Variants in GLIS3 observed in about 807,000 individuals in gnomAD.
GLIS3 encodes GLIS family zinc finger 3.
Under a neutral mutation model 78.6 loss-of-function variants are expected in GLIS3, and 53 were observed. That is an observed-to-expected ratio of 0.67 (90% CI 0.54 to 0.85). GLIS3 has a LOEUF of 0.85. Among genes scored for constraint, GLIS3 ranks in the 40% least tolerant of loss-of-function variants. GLIS3 has a pLI of 0.00. For missense variants in GLIS3, 1,703 were observed against 1,231.1 expected, an observed-to-expected ratio of 1.38 and a Z score of -5.74; for synonymous variants, 684 against 509.9, an observed-to-expected ratio of 1.34 and a Z score of -4.60.
At chr9:4,235,888 C>A (rs190899383) in intron 2 of GLIS3, among the ~76,000 whole-genome samples, 39 of 152,190 alleles carry the variant, frequency 2.6e-4, no homozygotes, top group African/African-American at 9.2e-4. Context: ...AGCATCCCGG[C>A]ATACTGATGA....
At chr9:4,416,643 ATATGAAG>A in the GLIS3 span, among the ~76,000 whole-genome samples, 50 of 152,098 alleles carry the variant, frequency 3.3e-4, no homozygotes, top group African/African-American at 1.1e-3. Flanking sequence ...ACTTCCTTAA[ATATGAAG>A]TATTTGGCTG....
chr9:4,392,649 A>G, the GLIS3 span, among the ~76,000 whole-genome samples: 118,901 of 152,092 alleles, frequency 0.78, 47,182 homozygotes, highest in Non-Finnish European at 0.85. Flanking sequence ...AAATTACCTC[A>G]TAAATGCAGC....
At chr9:3,912,935 T>C (rs113448920) in intron 6 of GLIS3, among the ~76,000 whole-genome samples, 2 of 152,172 alleles carry the variant, frequency 1.3e-5, no homozygotes, top group African/African-American at 2.4e-5. Flanking sequence ...CACTGGTTCA[T>C]TGCACTAATG....
chr9:4,318,963 G>C (rs995242219), intron 2 of GLIS3, among the ~76,000 whole-genome samples: 7 of 152,092 alleles, frequency 4.6e-5, no homozygotes, highest in Non-Finnish European at 8.8e-5. Context: ...TGGTATTCCT[G>C]CCAAAAATGC....
intron 2 of GLIS3, among the ~76,000 whole-genome samples, chr9:4,268,576 C>A (rs1002376525): frequency 6.6e-6 from 1 of 152,030 alleles, no homozygotes; most frequent in African/African-American, 2.4e-5. Flanking sequence ...TCATTCTAGG[C>A]AATGTAAGAG....
intron 2 of GLIS3, among the ~76,000 whole-genome samples, chr9:4,321,758 G>C (rs1234102439): frequency 1.3e-5 from 2 of 151,950 alleles, no homozygotes; most frequent in East Asian, 1.9e-4. Flanking sequence ...GTCCAGGCTG[G>C]AGTGCAGTGG....
chr9:4,420,492 C>T, the GLIS3 span, among the ~76,000 whole-genome samples: 1 of 152,204 alleles, frequency 6.6e-6, no homozygotes, highest in African/African-American at 2.4e-5. Flanking sequence ...TTAGTCACCA[C>T]TTAGTATCAC....
the GLIS3 span, among the ~76,000 whole-genome samples, chr9:4,462,186 G>A: frequency 6.6e-6 from 1 of 152,118 alleles, no homozygotes; most frequent in Non-Finnish European, 1.5e-5. Context: ...CATTTTATAA[G>A]AAGGACTCTC....
chr9:3,927,270 C>T (rs969346761), intron 6 of GLIS3, among the ~76,000 whole-genome samples: 4 of 152,054 alleles, frequency 2.6e-5, no homozygotes, highest in Admixed American at 2.6e-4. Context: ...ACTTTGCAAA[C>T]AATGTAGTAG....
chr9:4,153,004 G>A (rs1250371595), intron 2 of GLIS3, among the ~76,000 whole-genome samples: 2 of 152,094 alleles, frequency 1.3e-5, no homozygotes, highest in African/African-American at 2.4e-5. Flanking sequence ...GTTTTTTGTT[G>A]CAAGAGCAGG....
At chr9:4,421,099 T>C in the GLIS3 span, among the ~76,000 whole-genome samples, 1 of 152,230 alleles carries the variant, frequency 6.6e-6, no homozygotes, top group Non-Finnish European at 1.5e-5. Context: ...GAGTTTCCCT[T>C]TAATTACTGT....
At chr9:4,224,233 A>G (rs1225790013) in intron 2 of GLIS3, among the ~76,000 whole-genome samples, 3 of 152,184 alleles carry the variant, frequency 2.0e-5, no homozygotes, top group Admixed American at 6.5e-5. Context: ...TCTAGAAAGG[A>G]AAGTGATTGA....
chr9:4,347,049 A>G (rs1817904971), intron 2 of GLIS3: 1 of 152,284 alleles, frequency 6.6e-6, no homozygotes, highest in Non-Finnish European at 1.5e-5. Flanking sequence ...AGGCTAGGTA[A>G]TTTATAAGGA....
chr9:4,022,263 C>T (rs1324485846), intron 4 of GLIS3, among the ~76,000 whole-genome samples: 1 of 152,192 alleles, frequency 6.6e-6, no homozygotes, highest in Non-Finnish European at 1.5e-5. Context: ...GGAAATGCTA[C>T]AGCTTACATC....
chr9:4,184,050 T>C (rs1817561894), intron 2 of GLIS3, among the ~76,000 whole-genome samples: 1 of 152,204 alleles, frequency 6.6e-6, no homozygotes, highest in Non-Finnish European at 1.5e-5. Context: ...GATCTTATGG[T>C]TATAAAAGAA....
At chr9:4,138,726 T>C (rs191886158) in intron 2 of GLIS3, among the ~76,000 whole-genome samples, 2 of 152,238 alleles carry the variant, frequency 1.3e-5, no homozygotes, top group African/African-American at 4.8e-5. Flanking sequence ...GAAATGGGGA[T>C]GATAATTGTT....
intron 3 of GLIS3, 126 bp downstream of exon 3, chr9:4,125,608 A>T: frequency 1.3e-6 from 1 of 761,630 alleles, no homozygotes; most frequent in Non-Finnish European, 2.3e-6. Flanking sequence ...AAATTGAGAG[A>T]GTTGCTTGAG....
intron 1 of GLIS3, among the ~76,000 whole-genome samples, chr9:4,287,742 C>T (rs753004800): frequency 7.9e-5 from 12 of 152,114 alleles, no homozygotes; most frequent in African/African-American, 1.9e-4. Flanking sequence ...CATAAATAAT[C>T]GAGAAAAGGC....
intron 7 of GLIS3, among the ~76,000 whole-genome samples, chr9:3,884,620 C>T (rs570114523): frequency 3.3e-5 from 5 of 152,246 alleles, no homozygotes; most frequent in African/African-American, 1.2e-4. Flanking sequence ...CTTGCTGCCC[C>T]TTGATACCTT....
Sources: gnomAD v4.1 joint callset for allele counts (sites outside exome capture counted in the v4.1 genomes callset) on GRCh38, gnomAD v4.1.1 for gene constraint, MANE v1.5 for transcripts, NCBI Gene and HGNC (gene_info 2026-07-23, HGNC 2026-07-21) for gene names.